Variants in TRPM3 observed in about 807,000 individuals in gnomAD.
TRPM3 encodes transient receptor potential cation channel subfamily M member 3, also known as long transient receptor potential channel 3.
Under a neutral mutation model 181.2 loss-of-function variants are expected in TRPM3, and 77 were observed. That is an observed-to-expected ratio of 0.42 (90% CI 0.35 to 0.51). The LOEUF is 0.51. Among genes scored for constraint, TRPM3 ranks in the 20% least tolerant of loss-of-function variants. The pLI, the probability that TRPM3 is intolerant of heterozygous loss-of-function variation, is 0.01. For synonymous variants in TRPM3, 745 were observed against 796.4 expected (o/e 0.94, Z 1.09); for missense variants, 1,759 against 2,196.7 (o/e 0.80, Z 3.98).
Position 71,070,299 on chromosome 9 carries a change from T to C in TRPM3, c.177+50879A>G, listed in dbSNP as rs932595554. ...ATCGATTGTTATGTACTTTGTCTAC[T>C]CCATCAGGTCATGAATGATGCATGC... On this transcript the variant is annotated intron_variant, in intron 1 of 25. Transcript: ENST00000677713. Among the ~76,000 whole-genome samples, 16 of 152,226 alleles carry C rather than the reference T, an allele frequency of 1.1e-4. 1 individual carries two copies. Among genetic ancestry groups the C allele is most frequent in the Admixed American group, 7.2e-4 (11 of 15,278 alleles).
chr9:71,370,177 C>T (rs1318911736), intron 1 of TRPM3, among the ~76,000 whole-genome samples: 1 of 152,108 alleles, frequency 6.6e-6, no homozygotes, highest in South Asian at 2.1e-4. Context: ...TTCCCTGAGA[C>T]AAAACAATAT....
chr9:71,295,760 G>C (rs1382846277), intron 1 of TRPM3, among the ~76,000 whole-genome samples: 1 of 146,514 alleles, frequency 6.8e-6, no homozygotes, highest in Non-Finnish European at 1.5e-5. Context: ...GATCCCTTGA[G>C]CCCAGAAGTT....
chr9:71,155,460 A>T (rs1004365072), intron 1 of TRPM3, among the ~76,000 whole-genome samples: 2 of 140,524 alleles, frequency 1.4e-5, no homozygotes, highest in African/African-American at 5.5e-5. Context: ...CTGAGATTAC[A>T]GGCATGCACC....
intron 1 of TRPM3, among the ~76,000 whole-genome samples, chr9:71,145,829 T>C (rs1464896088): frequency 6.6e-6 from 1 of 151,862 alleles, no homozygotes; most frequent in Non-Finnish European, 1.5e-5. Flanking sequence ...AAGATTAAAA[T>C]CAAGAAGGAA....
chr9:71,309,714 T>C (rs558681996), intron 1 of TRPM3, among the ~76,000 whole-genome samples: 7 of 152,262 alleles, frequency 4.6e-5, no homozygotes, highest in African/African-American at 1.7e-4. Context: ...TTTCTTAGAA[T>C]GACATAATTT....
chr9:70,893,901 G>T (rs149012093), intron 1 of TRPM3, among the ~76,000 whole-genome samples: 1 of 152,104 alleles, frequency 6.6e-6, no homozygotes, highest in Non-Finnish European at 1.5e-5. Context: ...TATTTTAAAA[G>T]AAGCTGAAAA....
At chr9:71,001,825 CA>C (rs900907547) in intron 1 of TRPM3, among the ~76,000 whole-genome samples, 3 of 152,200 alleles carry the variant, frequency 2.0e-5, no homozygotes, top group African/African-American at 7.2e-5. Context: ...GAACTTCTGT[CA>C]CTTTTGTTTT....
chr9:70,983,465 C>A (rs558440731), intron 1 of TRPM3, among the ~76,000 whole-genome samples: 1 of 152,242 alleles, frequency 6.6e-6, no homozygotes, highest in East Asian at 1.9e-4. Flanking sequence ...CTTGTGCCAG[C>A]ATTTTCTCTC....
chr9:70,841,881 T>C (rs2094690226), intron 5 of TRPM3, among the ~76,000 whole-genome samples: 1 of 151,620 alleles, frequency 6.6e-6, no homozygotes, highest in Non-Finnish European at 1.5e-5. Context: ...GGCAAAGTAC[T>C]AGGCACACAT....
intron 9 of TRPM3, among the ~76,000 whole-genome samples, chr9:70,681,288 T>A (rs1157351196): frequency 6.6e-6 from 1 of 152,172 alleles, no homozygotes; most frequent in Non-Finnish European, 1.5e-5. Context: ...ATAACTAAAC[T>A]GTAGTATATT....
intron 8 of TRPM3, among the ~76,000 whole-genome samples, chr9:70,683,466 TG>T (rs2065998046): frequency 8.1e-6 from 1 of 123,092 alleles, no homozygotes; most frequent in Non-Finnish European, 1.7e-5. Flanking sequence ...TTTGTAGAGA[TG>T]GGGTTTCATT....
At chr9:70,542,644 A>G (rs2043762327) in intron 25 of TRPM3, among the ~76,000 whole-genome samples, 1 of 152,220 alleles carries the variant, frequency 6.6e-6, no homozygotes. Flanking sequence ...ATGCTATTTT[A>G]TGGAACTTTA....
intron 1 of TRPM3, among the ~76,000 whole-genome samples, chr9:71,371,153 G>C (rs1274107173): frequency 3.9e-5 from 6 of 152,110 alleles, no homozygotes; most frequent in Non-Finnish European, 8.8e-5. Context: ...ACACGGAGTT[G>C]AATGTTGTTT....
At chr9:71,179,457 A>G (rs2077276732) in intron 1 of TRPM3, among the ~76,000 whole-genome samples, 1 of 152,140 alleles carries the variant, frequency 6.6e-6, no homozygotes, top group South Asian at 2.1e-4. Flanking sequence ...TCTGTGTTTG[A>G]CTTTGCTTTG....
intron 1 of TRPM3, among the ~76,000 whole-genome samples, chr9:71,186,716 CA>C (rs2077701363): frequency 6.6e-6 from 1 of 151,950 alleles, no homozygotes; most frequent in South Asian, 2.1e-4. Context: ...GTATTAGAAA[CA>C]TATTAGGAGC....
At chr9:71,148,080 A>G (rs2075525217) in intron 1 of TRPM3, among the ~76,000 whole-genome samples, 1 of 149,198 alleles carries the variant, frequency 6.7e-6, no homozygotes, top group African/African-American at 2.4e-5. Context: ...TGGGGATGAC[A>G]GAGAGTAGTG....
At chr9:70,682,817 G>A (rs1466472756) in intron 8 of TRPM3, among the ~76,000 whole-genome samples, 1 of 152,190 alleles carries the variant, frequency 6.6e-6, no homozygotes, top group Non-Finnish European at 1.5e-5. Context: ...ACTGTTTCAT[G>A]CCTCGAGCTT....
At chr9:71,149,800 C>T (rs185491981) in intron 1 of TRPM3, among the ~76,000 whole-genome samples, 136 of 151,880 alleles carry the variant, frequency 9.0e-4, no homozygotes, top group African/African-American at 3.1e-3. Context: ...CCCATCTCTA[C>T]GAAAAATACA....
intron 1 of TRPM3, among the ~76,000 whole-genome samples, chr9:71,413,954 A>G (rs1474576522): frequency 2.0e-5 from 3 of 151,734 alleles, no homozygotes; most frequent in African/African-American, 7.3e-5. Context: ...TCACTGGTTT[A>G]TACCACAGTT....
Sources: gnomAD v4.1 joint callset for allele counts (sites outside exome capture counted in the v4.1 genomes callset) on GRCh38, gnomAD v4.1.1 for gene constraint, MANE v1.5 for transcripts, NCBI Gene and HGNC (gene_info 2026-07-23, HGNC 2026-07-21) for gene names.